Variants in GPR183 observed in about 807,000 individuals in gnomAD.
GPR183 encodes the protein G protein-coupled receptor 183, also known as EBV-induced G-protein coupled receptor 2.
GPR183 carries 9 observed loss-of-function variants against 19.7 expected under a neutral mutation model. The ratio of observed to expected loss-of-function variants is 0.46; its 90% CI spans 0.28 to 0.80. The LOEUF (loss-of-function observed/expected upper bound fraction) is 0.80. Ranked by LOEUF, GPR183 falls within the 30% of genes least tolerant of loss-of-function variation. GPR183 has a pLI of 0.13. For synonymous variants in GPR183, 160 were observed against 155.1 expected, an observed-to-expected ratio of 1.03 and a Z score of -0.24; for missense variants, 368 against 446.7, an observed-to-expected ratio of 0.82 and a Z score of 1.59.
intron 1 of GPR183, among the ~76,000 whole-genome samples, chr13:99,297,983 T>C (rs889150466): frequency 6.6e-6 from 1 of 152,050 alleles, no homozygotes; most frequent in East Asian, 1.9e-4. Flanking sequence ...AATTCAATAT[T>C]AATAGGAATA....
intron 1 of GPR183, among the ~76,000 whole-genome samples, chr13:99,305,914 G>A (rs1324738249): frequency 6.7e-6 from 1 of 148,844 alleles, no homozygotes; most frequent in Non-Finnish European, 1.5e-5. Flanking sequence ...TTTATCTATC[G>A]AGACAGAGTC....
Position 99,295,068 on chromosome 13 carries a change from C to G in GPR183, c.1078G>C (p.Gly360Arg), listed in dbSNP as rs745654917. The G allele has an allele frequency of 1.2e-5, 19 of 1,612,550 alleles. No individual in the cohort carries two copies. The highest frequency in any genetic ancestry group is 1.6e-5 in the Non-Finnish European group (19 of 1,179,296). Residue 360 changes from glycine to arginine, a missense_variant, in exon 2 of 2, where the codon GGA becomes CGA. By Grantham distance (125) the Gly-to-Arg change is moderately radical. Coordinates refer to ENST00000376414, the MANE Select transcript of GPR183 (RefSeq NM_004951.5). This position sits in a 1 kb window ranked among gnomAD's most constrained non-coding sequence, Gnocchi z 4.1. Reference sequence around the variant, plus strand: ...CCAAAATACAATCCATTTCACTTTCCATTTGAAGACTTGGAATGTATCATC... The same window carrying G: ...CCAAAATACAATCCATTTCACTTTCGATTTGAAGACTTGGAATGTATCATC... ...QMMIHSKSSN[G>R]K
chr13:99,297,799 G>A (rs1484875510), intron 1 of GPR183, among the ~76,000 whole-genome samples: 3 of 151,014 alleles, frequency 2.0e-5, no homozygotes, highest in South Asian at 2.1e-4. Context: ...AGAGACTATC[G>A]GTTTAGATTA....
chr13:99,304,572 T>C (rs2044304004), intron 1 of GPR183, among the ~76,000 whole-genome samples: 1 of 152,230 alleles, frequency 6.6e-6, no homozygotes, highest in South Asian at 2.1e-4. Flanking sequence ...TAATCCTTAA[T>C]GAAAGGTTCT....
intron 1 of GPR183, among the ~76,000 whole-genome samples, chr13:99,307,011 A>T (rs1024818451): frequency 3.9e-5 from 6 of 152,244 alleles, no homozygotes; most frequent in Non-Finnish European, 7.3e-5. Context: ...ATACTAAGTT[A>T]TCCTGAAATA....
intron 1 of GPR183, among the ~76,000 whole-genome samples, chr13:99,299,760 A>G (rs1223840076): frequency 1.3e-5 from 2 of 152,094 alleles, no homozygotes; most frequent in Non-Finnish European, 2.9e-5. Flanking sequence ...GCATTGTGTC[A>G]TCATGTAGAA....
At chr13:99,302,829 G>A (rs1861001696) in intron 1 of GPR183, among the ~76,000 whole-genome samples, 1 of 152,178 alleles carries the variant, frequency 6.6e-6, no homozygotes, top group Admixed American at 6.5e-5. Flanking sequence ...ACAGTAGTCA[G>A]TACATGCCTC....
At chr13:99,303,250 T>C (rs2044282465) in intron 1 of GPR183, among the ~76,000 whole-genome samples, 1 of 152,244 alleles carries the variant, frequency 6.6e-6, no homozygotes, top group African/African-American at 2.4e-5. Flanking sequence ...AGCAGTCTAC[T>C]GTTTCCTCTT....
intron 1 of GPR183, among the ~76,000 whole-genome samples, 175 bp from the exon 2 acceptor site, chr13:99,296,338 G>T (rs993764876): frequency 6.6e-6 from 1 of 151,982 alleles, no homozygotes; most frequent in African/African-American, 2.4e-5. Flanking sequence ...TTATAATATG[G>T]TTACATATAT....
chr13:99,304,413 A>G (rs968046774), intron 1 of GPR183, among the ~76,000 whole-genome samples: 5 of 152,154 alleles, frequency 3.3e-5, no homozygotes, highest in African/African-American at 1.2e-4. Context: ...TAGTGTCTGC[A>G]TCATTGATTT....
intron 1 of GPR183, among the ~76,000 whole-genome samples, chr13:99,306,935 A>T (rs899446990): frequency 1.3e-5 from 2 of 152,176 alleles, no homozygotes; most frequent in African/African-American, 4.8e-5. Flanking sequence ...AAATAATCTT[A>T]TATTTCTAAT....
intron 1 of GPR183, among the ~76,000 whole-genome samples, chr13:99,298,938 T>C (rs1015000984): frequency 6.6e-6 from 1 of 152,220 alleles, no homozygotes; most frequent in African/African-American, 2.4e-5. Context: ...TCTTTGAAAA[T>C]GTATTTTTTT....
chr13:99,300,873 A>C (rs2138730665), intron 1 of GPR183, among the ~76,000 whole-genome samples: 1 of 152,304 alleles, frequency 6.6e-6, no homozygotes, highest in South Asian at 2.1e-4. Flanking sequence ...ATATTTGGAT[A>C]GTATAGTTAT....
Position 99,294,797 on chromosome 13 carries a change from G to T in GPR183, c.*263C>A. ...TTATTAAAACAAAACTTTTTACATT[G>T]GGAGTTATTAAGAGCGCCTCCTTTT... On this transcript the variant is annotated 3_prime_UTR_variant, in exon 2 of 2. Coordinates refer to ENST00000376414, the MANE Select transcript of GPR183 (RefSeq NM_004951.5). The T allele has an allele frequency of 3.4e-6, 1 of 295,018 alleles. No individual in the cohort carries two copies. The highest frequency in any genetic ancestry group is 6.2e-6 in the Non-Finnish European group (1 of 160,312). The allele number at this position is 295,018 out of a possible 1,614,324, so 18.3% of individuals were successfully genotyped here. A position where few individuals can be genotyped will look rare whatever the true frequency, so the allele number is the denominator to read the frequency against.
rs1340934668 is a variant in GPR183 at position 99,296,112 on chromosome 13, G to A, written c.34C>T (p.Pro12Ser). The A allele has an allele frequency of 1.2e-6, 2 of 1,607,204 alleles. No individual in the cohort carries two copies. Among genetic ancestry groups the A allele is most frequent in the Admixed American group, 1.7e-5 (1 of 59,422 alleles). The part of the protein sequence containing the change: ...DIQMANNFTP[P>S]SATPQGNDCD... ...TCATTTCCCTGAGGAGTTGCAGAGG[G>A]CGGAGTAAAATTGTTTGCCATTTGT... The change falls in exon 2 of 2, where the codon CCC becomes TCC. Residue 12 changes from proline (P) to serine (S), a missense_variant. Pro to Ser is a moderately conservative substitution (Grantham distance 74). Transcript: ENST00000376414.
chr13:99,303,456 G>A (rs1265419180), intron 1 of GPR183, among the ~76,000 whole-genome samples: 1 of 152,184 alleles, frequency 6.6e-6, no homozygotes, highest in Non-Finnish European at 1.5e-5. Context: ...CACCTATGTG[G>A]CTTTTGGTGG....
intron 1 of GPR183, among the ~76,000 whole-genome samples, chr13:99,297,269 T>G (rs1019219853): frequency 2.0e-5 from 3 of 152,186 alleles, no homozygotes; most frequent in African/African-American, 4.8e-5. Context: ...GTGTGATTAT[T>G]TTTAAAAGAA....
At chr13:99,301,820 A>G (rs1198187951) in intron 1 of GPR183, among the ~76,000 whole-genome samples, 1 of 152,240 alleles carries the variant, frequency 6.6e-6, no homozygotes, top group African/African-American at 2.4e-5. Flanking sequence ...CAGAAACAGA[A>G]CAAAACCTTT....
intron 1 of GPR183, among the ~76,000 whole-genome samples, chr13:99,297,308 A>G (rs2044190983): frequency 6.6e-6 from 1 of 152,176 alleles, no homozygotes; most frequent in African/African-American, 2.4e-5. Flanking sequence ...AACTGTGTGT[A>G]CATAAATCTC....
Sources: gnomAD v4.1 joint callset for allele counts (sites outside exome capture counted in the v4.1 genomes callset) on GRCh38, gnomAD v4.1.1 for gene constraint, Gnocchi (gnomAD v3.1) non-coding constraint, MANE v1.5 for transcripts, NCBI Gene and HGNC (gene_info 2026-07-23, HGNC 2026-07-21) for gene names.